CACNB2: variants seen among roughly 807,000 people sequenced by gnomAD.
CACNB2 encodes the protein calcium voltage-gated channel auxiliary subunit beta 2.
In CACNB2, 42 loss-of-function variants were observed where a neutral mutation model predicts 73.3. The observed-to-expected ratio is 0.57, with a 90% CI of 0.45 to 0.74. The LOEUF is 0.74. Ranked by LOEUF, CACNB2 falls within the 30% of genes least tolerant of loss-of-function variation. CACNB2 has a pLI of 0.00. For synonymous variants in CACNB2, 348 were observed against 310.3 expected (o/e 1.12, Z -1.28); for missense variants, 940 against 853.0 (o/e 1.10, Z -1.27).
At chr10:18,406,161 G>A (rs1189710399) in intron 3 of CACNB2, among the ~76,000 whole-genome samples, 1 of 152,180 alleles carries the variant, frequency 6.6e-6, no homozygotes, top group Non-Finnish European at 1.5e-5. Context: ...CCTGCAAGAA[G>A]CTTCCATTGT....
Position 18,543,389 on chromosome 10 carries a change from GT to G in CACNB2, c.*3668del, listed in dbSNP as rs1196129351. The G allele has an allele frequency of 1.3e-5, 2 of 152,264 alleles. No individual in the cohort carries two copies. Among genetic ancestry groups the G allele is most frequent in the Admixed American group, 1.3e-4 (2 of 15,292 alleles). 9.4% of individuals were successfully genotyped at this position (152,264 alleles called of 1,614,324 possible). ...GTCAGTTATGAGTTCTGGATCAAGA[GT>G]TTAATTTCTGCTGCGCTGTACTTTT... is the stretch of plus-strand genomic sequence containing the variant. On this transcript the variant is annotated 3_prime_UTR_variant, in exon 14 of 14. Coordinates refer to ENST00000324631, the MANE Select transcript of CACNB2 (RefSeq NM_201596.3).
chr10:18,398,963 T>G (rs1249794482), intron 2 of CACNB2, among the ~76,000 whole-genome samples: 1 of 152,174 alleles, frequency 6.6e-6, no homozygotes, highest in African/African-American at 2.4e-5. Context: ...AAGGACTTTT[T>G]ATATCTTATT....
intron 13 of CACNB2, 138 bp from the exon 14 acceptor site, chr10:18,539,091 CA>C (rs759188703): frequency 7.0e-5 from 75 of 1,075,978 alleles, no homozygotes; most frequent in Non-Finnish European, 1.0e-4. Flanking sequence ...TGGATGTTAC[CA>C]AAGGGATGAA....
chr10:18,262,951 T>C (rs1423654867), intron 2 of CACNB2, among the ~76,000 whole-genome samples: 4 of 152,244 alleles, frequency 2.6e-5, no homozygotes, highest in Non-Finnish European at 5.9e-5. Flanking sequence ...TTGGTTCATC[T>C]GCTCATTCTC....
chr10:18,342,729 A>G (rs991386279), intron 2 of CACNB2, among the ~76,000 whole-genome samples: 1 of 152,164 alleles, frequency 6.6e-6, no homozygotes, highest in African/African-American at 2.4e-5. Flanking sequence ...ACCATTCAAC[A>G]CTTTAAATTC....
intron 3 of CACNB2, among the ~76,000 whole-genome samples, chr10:18,407,993 A>G (rs1287399040): frequency 6.6e-6 from 1 of 152,046 alleles, no homozygotes; most frequent in Non-Finnish European, 1.5e-5. Flanking sequence ...GACTATATTT[A>G]TTATTTCATA....
chr10:18,366,459 C>T (rs1041139634), intron 2 of CACNB2, among the ~76,000 whole-genome samples: 14 of 129,202 alleles, frequency 1.1e-4, no homozygotes, highest in Non-Finnish European at 1.9e-4. Flanking sequence ...AGTGAGACTC[C>T]GTCTCAAAAA....
chr10:18,253,216 C>T (rs2131561175), intron 2 of CACNB2, among the ~76,000 whole-genome samples: 1 of 152,242 alleles, frequency 6.6e-6, no homozygotes, highest in African/African-American at 2.4e-5. Context: ...ACTCTTTGTA[C>T]CTCTTCGCTT....
intron 5 of CACNB2, among the ~76,000 whole-genome samples, chr10:18,504,480 T>C (rs1163461885): frequency 3.9e-5 from 6 of 152,226 alleles, no homozygotes; most frequent in Non-Finnish European, 8.8e-5. Context: ...TTTGAGGGAA[T>C]GTAACATCTC....
intron 2 of CACNB2, among the ~76,000 whole-genome samples, chr10:18,382,934 T>C (rs533769050): frequency 7.7e-4 from 118 of 152,318 alleles, no homozygotes; most frequent in African/African-American, 2.8e-3. Flanking sequence ...TAAATGGCAT[T>C]TCTGGTTCTA....
intron 2 of CACNB2, among the ~76,000 whole-genome samples, chr10:18,369,306 A>C (rs1045285663): frequency 2.0e-5 from 3 of 152,172 alleles, no homozygotes; most frequent in African/African-American, 7.2e-5. Flanking sequence ...TTGTGCTACT[A>C]ATAATTTTTT....
At chr10:18,316,577 C>T (rs951386322) in intron 2 of CACNB2, among the ~76,000 whole-genome samples, 1 of 151,992 alleles carries the variant, frequency 6.6e-6, no homozygotes, top group East Asian at 1.9e-4. Flanking sequence ...AATCTTCCCA[C>T]CTCAGCTTCC....
chr10:18,320,648 C>A (rs561976288), intron 2 of CACNB2, among the ~76,000 whole-genome samples: 1 of 152,124 alleles, frequency 6.6e-6, no homozygotes, highest in South Asian at 2.1e-4. Flanking sequence ...GTCATCTCAT[C>A]TGTAGAATGG....
chr10:18,352,371 A>G (rs2041746382), intron 2 of CACNB2, among the ~76,000 whole-genome samples: 1 of 152,252 alleles, frequency 6.6e-6, no homozygotes, highest in Non-Finnish European at 1.5e-5. Context: ...AAGATAGCAC[A>G]TGTCACCACT....
chr10:18,472,946 T>A (rs1023194440), intron 3 of CACNB2, among the ~76,000 whole-genome samples: 1 of 152,228 alleles, frequency 6.6e-6, no homozygotes, highest in African/African-American at 2.4e-5. Context: ...CTGAAAATGA[T>A]GCAAAATCAA....
intron 3 of CACNB2, among the ~76,000 whole-genome samples, chr10:18,460,093 C>T (rs2047488162): frequency 6.6e-6 from 1 of 152,180 alleles, no homozygotes; most frequent in Admixed American, 6.5e-5. Flanking sequence ...TATGTCCATA[C>T]ATATATACAC....
At chr10:18,259,389 G>C (rs575027768) in intron 2 of CACNB2, among the ~76,000 whole-genome samples, 1 of 151,586 alleles carries the variant, frequency 6.6e-6, no homozygotes, top group East Asian at 1.9e-4. Flanking sequence ...AACAAAGTGA[G>C]ACCCCTGTCT....
At chr10:18,387,071 G>T (rs1051235530) in intron 2 of CACNB2, among the ~76,000 whole-genome samples, 14 of 152,204 alleles carry the variant, frequency 9.2e-5, no homozygotes, top group Non-Finnish European at 2.1e-4. Flanking sequence ...TCAGAAGGCA[G>T]ATCTAGCTGA....
intron 3 of CACNB2, among the ~76,000 whole-genome samples, chr10:18,404,532 G>C (rs761107020): frequency 2.6e-5 from 4 of 152,206 alleles, no homozygotes; most frequent in Non-Finnish European, 4.4e-5. Context: ...CATTTTGGAA[G>C]AATCAGACAT....
Sources: allele counts gnomAD v4.1 joint callset (sites outside exome capture counted in the v4.1 genomes callset), GRCh38; gene constraint gnomAD v4.1.1; transcripts MANE v1.5; gene names NCBI Gene and HGNC (gene_info 2026-07-23, HGNC 2026-07-21).